The following BCKDHB variants were observed in gnomAD, a reference collection of about 807,000 sequenced individuals.
BCKDHB encodes branched chain keto acid dehydrogenase E1 subunit beta, also known as 2-oxoisovalerate dehydrogenase subunit beta, mitochondrial.
BCKDHB carries 41 observed loss-of-function variants against 48.5 expected under a neutral mutation model. The ratio of observed to expected loss-of-function variants is 0.85; its 90% CI spans 0.66 to 1.10. BCKDHB has a LOEUF of 1.10. Among genes scored for constraint, BCKDHB ranks in the 50% least tolerant of loss-of-function variants. The pLI, the probability that BCKDHB is intolerant of heterozygous loss-of-function variation, is 0.00. For synonymous variants in BCKDHB, 201 were observed against 174.8 expected (o/e 1.15, Z -1.18); for missense variants, 496 against 494.2 (o/e 1.00, Z -0.03).
intron 9 of BCKDHB, among the ~76,000 whole-genome samples, chr6:80,317,696 AT>A (rs1483991358): frequency 6.6e-6 from 1 of 152,212 alleles, no homozygotes; most frequent in East Asian, 1.9e-4. Context: ...GGACATGGAC[AT>A]TTTGGGGACA....
downstream of BCKDHB, among the ~76,000 whole-genome samples, chr6:80,351,001 C>CTAA (rs1770377279): frequency 6.6e-6 from 1 of 152,132 alleles, no homozygotes; most frequent in African/African-American, 2.4e-5. Context: ...AAGGCTTATC[C>CTAA]CTAAGTTATA....
chr6:80,218,171 A>G (rs1168863367), intron 8 of BCKDHB, among the ~76,000 whole-genome samples: 1 of 152,080 alleles, frequency 6.6e-6, no homozygotes, highest in East Asian at 1.9e-4. Context: ...TACTTGTGCC[A>G]GGAAAATGGA....
chr6:80,133,515 C>T (rs942779003), intron 3 of BCKDHB, among the ~76,000 whole-genome samples: 2 of 152,076 alleles, frequency 1.3e-5, no homozygotes, highest in African/African-American at 4.8e-5. Context: ...AACCACTGTA[C>T]GTAATGAGAT....
At chr6:80,417,819 T>A in the BCKDHB span, among the ~76,000 whole-genome samples, 1 of 152,262 alleles carries the variant, frequency 6.6e-6, no homozygotes, top group South Asian at 2.1e-4. Context: ...TTGAGGATAA[T>A]CTTCTTTTGG....
At chr6:80,375,227 T>C in the BCKDHB span, among the ~76,000 whole-genome samples, 1 of 152,240 alleles carries the variant, frequency 6.6e-6, no homozygotes, top group African/African-American at 2.4e-5. Context: ...TTTTCTTGAT[T>C]ATTCCCTTCA....
the BCKDHB span, among the ~76,000 whole-genome samples, chr6:80,369,968 C>CT: frequency 6.6e-6 from 1 of 152,226 alleles, no homozygotes; most frequent in Non-Finnish European, 1.5e-5. Context: ...GAGTTTCTCT[C>CT]TTACTATTGT....
chr6:80,354,184 GTTTAA>G, the BCKDHB span, among the ~76,000 whole-genome samples: 6 of 151,686 alleles, frequency 4.0e-5, no homozygotes, highest in African/African-American at 9.7e-5. Flanking sequence ...AAGTTTTTTA[GTTTAA>G]TTTAGTTTAA....
chr6:80,152,519 G>A (rs2127755617), intron 3 of BCKDHB, among the ~76,000 whole-genome samples: 1 of 152,238 alleles, frequency 6.6e-6, no homozygotes, highest in African/African-American at 2.4e-5. Context: ...AACTGGTTAT[G>A]TAGTCATATT....
In BCKDHB at chr6:80,133,286, C is replaced by T. The variant is rs150808813; in HGVS notation, c.343+4057C>T. Among the ~76,000 whole-genome samples, 607 of 152,226 alleles carry T rather than the reference C, an allele frequency of 4.0e-3. 3 individuals are homozygous for T. Among genetic ancestry groups the T allele is most frequent in the African/African-American group, 0.014 (569 of 41,548 alleles). On this transcript the variant is annotated intron_variant, in intron 3 of 9. Transcript: ENST00000320393. ...TAAAGCTGAATACTACTTGATATGA[C>T]AAAGAAGGAATTGCATAATTAGAGG...
the BCKDHB span, among the ~76,000 whole-genome samples, chr6:80,450,027 A>G: frequency 7.9e-5 from 12 of 152,106 alleles, no homozygotes; most frequent in African/African-American, 2.7e-4. Context: ...ATTATATTCA[A>G]ATAATTGCAG....
the BCKDHB span, among the ~76,000 whole-genome samples, chr6:80,432,703 T>G: frequency 6.6e-6 from 1 of 152,184 alleles, no homozygotes; most frequent in Non-Finnish European, 1.5e-5. Context: ...TCATTCTCAG[T>G]CCAGTTTTGT....
Position 80,301,659 on chromosome 6 carries a change from A to C in BCKDHB, c.1038+28438A>C, listed in dbSNP as rs143033916. ...CTTCTCCCTAACTAATTCTACAAAG[A>C]CAGCATCAGCCTGATACCAAAATCT... On this transcript the variant is annotated intron_variant, in intron 9 of 9. Transcript: ENST00000320393. 5.4e-3 allele frequency among the ~76,000 whole-genome samples: 826 copies of C among 152,242 alleles called. 3 individuals carry two copies. The highest frequency in any genetic ancestry group is 0.019 in the African/African-American group (771 of 41,554).
intron 1 of BCKDHB, among the ~76,000 whole-genome samples, chr6:80,124,186 C>T (rs1770206210): frequency 6.6e-6 from 1 of 152,110 alleles, no homozygotes; most frequent in Admixed American, 6.5e-5. Context: ...GTTCAGTTTC[C>T]ATGTAGTTGT....
At chr6:80,348,062 A>G (rs1195690901), downstream of BCKDHB, among the ~76,000 whole-genome samples, 1 of 152,160 alleles carries the variant, frequency 6.6e-6, no homozygotes, top group Non-Finnish European at 1.5e-5. Flanking sequence ...TAATAACTGC[A>G]TTCTATGCAA....
intron 1 of BCKDHB, among the ~76,000 whole-genome samples, chr6:80,113,430 C>T (rs1230514678): frequency 6.6e-6 from 1 of 152,220 alleles, no homozygotes. Flanking sequence ...CGGTGGTGGT[C>T]AGGTGCTTCC....
chr6:80,253,764 T>C (rs922080015), intron 8 of BCKDHB, among the ~76,000 whole-genome samples: 3 of 152,122 alleles, frequency 2.0e-5, no homozygotes, highest in Non-Finnish European at 2.9e-5. Context: ...CTGAATATTA[T>C]ATAGTTTTTT....
chr6:80,416,805 A>C, the BCKDHB span, among the ~76,000 whole-genome samples: 1 of 149,782 alleles, frequency 6.7e-6, no homozygotes, highest in East Asian at 2.0e-4. Context: ...ATTATACTTT[A>C]AGTTTTAGGT....
intron 9 of BCKDHB, chr6:80,343,434 A>G (rs1165445327): frequency 2.3e-5 from 13 of 560,384 alleles, no homozygotes; most frequent in Non-Finnish European, 4.1e-5. Flanking sequence ...CTTAGACAAT[A>G]GATATATATA....
Position 80,282,030 on chromosome 6 carries a change from CATG to C in BCKDHB, c.1038+8812_1038+8814del, listed in dbSNP as rs985694543. Among the ~76,000 whole-genome samples the C allele has an allele frequency of 2.0e-5, 3 of 152,068 alleles. 1 individual carries two copies. The highest frequency in any genetic ancestry group is 6.6e-5 in the Admixed American group (1 of 15,266). On this transcript the variant is annotated intron_variant, in intron 9 of 9. Coordinates refer to ENST00000320393, the MANE Select transcript of BCKDHB (RefSeq NM_183050.4). ...GAAATTTTTGTATGGCAAAAACAAG[CATG>C]ATTTTAAAAACAATGACAAATGAGA...
Sources: allele counts gnomAD v4.1 joint callset (sites outside exome capture counted in the v4.1 genomes callset), GRCh38; gene constraint gnomAD v4.1.1; transcripts MANE v1.5; gene names NCBI Gene and HGNC (gene_info 2026-07-23, HGNC 2026-07-21).